UGGT1: variants seen among roughly 807,000 people sequenced by gnomAD.
The protein encoded by UGGT1 is UDP-glucose glycoprotein glucosyltransferase 1.
In UGGT1, 107 loss-of-function variants were observed where a neutral mutation model predicts 203.9. The observed-to-expected ratio is 0.52, with a 90% CI of 0.45 to 0.62. The LOEUF (loss-of-function observed/expected upper bound fraction) is 0.62. Ranked by LOEUF, UGGT1 falls within the 20% of genes least tolerant of loss-of-function variation. The pLI is 0.00. For synonymous variants in UGGT1, 628 were observed against 653.5 expected, an observed-to-expected ratio of 0.96 and a Z score of 0.59; for missense variants, 1,673 against 1,867.2, an observed-to-expected ratio of 0.90 and a Z score of 1.92.
At position 128,163,383 on chromosome 2, in the gene UGGT1, T is replaced by C. The variant is rs533938689; in HGVS notation, c.2826-1347T>C. Among the ~76,000 whole-genome samples the C allele has an allele frequency of 2.5e-3, 378 of 151,984 alleles. 4 individuals are homozygous for C. Among genetic ancestry groups the C allele is most frequent in the African/African-American group, 8.1e-3 (338 of 41,476 alleles). Reference sequence around the variant, plus strand: ...TCAGCAAATTGGAGTGTTTTTTTTTTTTTTTTTTCAGGTTTAGTTCAAGAT... The same window carrying C: ...TCAGCAAATTGGAGTGTTTTTTTTTCTTTTTTTTCAGGTTTAGTTCAAGAT... On this transcript the variant is annotated intron_variant, in intron 25 of 40. Coordinates refer to ENST00000259253, the MANE Select transcript of UGGT1 (RefSeq NM_020120.4).
At chr2:128,184,837 A>G (rs1691890584) in intron 38 of UGGT1, among the ~76,000 whole-genome samples, 1 of 151,308 alleles carries the variant, frequency 6.6e-6, no homozygotes. Flanking sequence ...ACGCACCACC[A>G]CTCCTGGCTA....
At position 128,178,736 on chromosome 2, in the gene UGGT1, G is replaced by A. The variant is rs570308982; in HGVS notation, c.3815+167G>A. ...TTATCATTGGATTTGTTTTGATCCCGCCGTCTCTGTGAAGTTGAACTATGT... is the reference window on the plus strand; with the variant it reads ...TTATCATTGGATTTGTTTTGATCCCACCGTCTCTGTGAAGTTGAACTATGT... On this transcript the variant is annotated intron_variant, in intron 34 of 40. Coordinates refer to ENST00000259253, the MANE Select transcript of UGGT1 (RefSeq NM_020120.4). Among the ~76,000 whole-genome samples, 4 of 152,238 alleles carry A rather than the reference G, an allele frequency of 2.6e-5. No individual in the cohort carries two copies. The East Asian group carries it at 5.8e-4, about 22-fold the overall frequency.
chr2:128,133,402 A>G, intron 14 of UGGT1, 142 bp downstream of exon 14: 1 of 1,178,584 alleles, frequency 8.5e-7, no homozygotes, highest in Non-Finnish European at 1.2e-6. Flanking sequence ...CCCTGTTCAC[A>G]CTGGAAAGGC....
chr2:128,161,295 A>T (rs755138168), intron 25 of UGGT1, 27 bp downstream of exon 25: 2 of 1,609,746 alleles, frequency 1.2e-6, no homozygotes, highest in Admixed American at 3.3e-5. Flanking sequence ...GAGGAATTAC[A>T]GGGGTTATAT....
At chr2:128,097,886 G>A (rs1687185731) in intron 2 of UGGT1, among the ~76,000 whole-genome samples, 1 of 152,150 alleles carries the variant, frequency 6.6e-6, no homozygotes, top group South Asian at 2.1e-4. Flanking sequence ...TTTGGAGACA[G>A]GGTCTCGCTC....
intron 23 of UGGT1, 128 bp from the exon 24 acceptor site, chr2:128,160,332 T>C: frequency 1.0e-6 from 1 of 962,590 alleles, no homozygotes; most frequent in Non-Finnish European, 1.5e-6. Flanking sequence ...CACATCTTAA[T>C]GTTAATTATG....
At chr2:128,178,375 G>C (rs892440376) in intron 33 of UGGT1, 93 bp from the exon 34 acceptor site, 1 of 1,068,932 alleles carries the variant, frequency 9.4e-7, no homozygotes, top group Non-Finnish European at 1.4e-6. Flanking sequence ...GCTAGGGAAG[G>C]ATGGGAAGCG....
chr2:128,157,605 T>C (rs1179481498), intron 22 of UGGT1, among the ~76,000 whole-genome samples: 1 of 152,140 alleles, frequency 6.6e-6, no homozygotes, highest in Non-Finnish European at 1.5e-5. Context: ...ATAGACAAGT[T>C]TTATTGCATA....
At chr2:128,100,985 T>C (rs889223169) in intron 2 of UGGT1, among the ~76,000 whole-genome samples, 3 of 152,226 alleles carry the variant, frequency 2.0e-5, no homozygotes, top group Non-Finnish European at 4.4e-5. Context: ...ATGATATCCC[T>C]GGTCATTTGC....
Position 128,159,477 on chromosome 2 carries a change from T to C in UGGT1, c.2356-37T>C, listed in dbSNP as rs1421199684. 2.5e-6 allele frequency: 4 copies of C among 1,578,122 alleles called. No individual in the cohort carries two copies. The East Asian group carries it at 9.0e-5, about 35-fold the overall frequency. On this transcript the variant is annotated intron_variant, in intron 22 of 40. Coordinates refer to ENST00000259253, the MANE Select transcript of UGGT1 (RefSeq NM_020120.4). Reference sequence around the variant, plus strand: ...ATGCTGCTTTTTAAGTTCAAAAATATCTACAATATGACTCCCGTTTCCCAT... The same window carrying C: ...ATGCTGCTTTTTAAGTTCAAAAATACCTACAATATGACTCCCGTTTCCCAT...
chr2:128,155,004 G>T (rs910497156), intron 19 of UGGT1, among the ~76,000 whole-genome samples: 1 of 152,196 alleles, frequency 6.6e-6, no homozygotes, highest in African/African-American at 2.4e-5. Context: ...TGCAAAAAGA[G>T]TGAAAATGAC....
intron 40 of UGGT1, among the ~76,000 whole-genome samples, chr2:128,189,363 A>T (rs1285183169): frequency 6.6e-6 from 1 of 152,212 alleles, no homozygotes; most frequent in South Asian, 2.1e-4. Context: ...CAGTTTAAAC[A>T]TCCAAGAATG....
chr2:128,191,971 C>G lies in UGGT1; in HGVS notation c.*2229C>G, dbSNP rs1014854186. 1 of 152,218 alleles carries G rather than the reference C, an allele frequency of 6.6e-6. No homozygotes were observed. The allele number at this position is 152,218 out of a possible 1,614,324, so 9.4% of individuals were successfully genotyped here. On this transcript the variant is annotated 3_prime_UTR_variant, in exon 41 of 41. Transcript: ENST00000259253. ...ACTGTGGGCGGAAGTGTGCCTTTTC[C>G]CAGTTTCTCGTCCAGGAGGTTGCAT...
intron 17 of UGGT1, 126 bp from the exon 18 acceptor site, chr2:128,145,677 G>T: frequency 1.2e-6 from 1 of 860,850 alleles, no homozygotes; most frequent in South Asian, 3.2e-5. Flanking sequence ...AATATCTTGA[G>T]TTATTTTTTC....
At chr2:128,144,720 G>A (rs1689596697) in intron 17 of UGGT1, among the ~76,000 whole-genome samples, 1 of 152,316 alleles carries the variant, frequency 6.6e-6, no homozygotes, top group Non-Finnish European at 1.5e-5. Context: ...GTCAGTTTCT[G>A]TGCTGTTACC....
chr2:128,177,741 TTGA>T, intron 32 of UGGT1, 88 bp from the exon 33 acceptor site: 1 of 1,034,280 alleles, frequency 9.7e-7, no homozygotes, highest in African/African-American at 1.6e-5. Flanking sequence ...TAATTCCCTA[TTGA>T]TGACAGGCTC....
chr2:128,102,145 ATTTTTTT>A (rs147199229), intron 2 of UGGT1, among the ~76,000 whole-genome samples: 1 of 146,594 alleles, frequency 6.8e-6, no homozygotes, highest in Non-Finnish European at 1.5e-5. Context: ...TAAAATCATA[ATTTTTTT>A]TTTTTTTGGG....
intron 22 of UGGT1, 138 bp downstream of exon 22, chr2:128,157,484 C>A: frequency 1.6e-6 from 1 of 613,050 alleles, no homozygotes; most frequent in Non-Finnish European, 2.8e-6. Context: ...AGAATTGTAT[C>A]TCTAGAGATC....
At chr2:128,159,404 C>CTT (rs1395716463) in intron 22 of UGGT1, 110 bp from the exon 23 acceptor site, 2 of 1,086,212 alleles carry the variant, frequency 1.8e-6, no homozygotes, top group Admixed American at 2.1e-5. Context: ...CGGCCTGAGA[C>CTT]TTTTAAGAGA....
Sources: allele counts gnomAD v4.1 joint callset (sites outside exome capture counted in the v4.1 genomes callset), GRCh38; gene constraint gnomAD v4.1.1; transcripts MANE v1.5; gene names NCBI Gene and HGNC (gene_info 2026-07-23, HGNC 2026-07-21).